Variants in ANGPT2 observed in about 807,000 individuals in gnomAD.
ANGPT2 encodes angiopoietin-2.
ANGPT2 carries 28 observed loss-of-function variants against 62.9 expected under a neutral mutation model. The observed-to-expected ratio is 0.44, with a 90% confidence interval of 0.33 to 0.61. ANGPT2 has a LOEUF of 0.61. ANGPT2 is among the 20% of genes least tolerant of loss of function. ANGPT2 has a pLI of 0.03. For synonymous variants in ANGPT2, 284 were observed against 207.8 expected (o/e 1.37, Z -3.15); for missense variants, 727 against 594.9 (o/e 1.22, Z -2.31).
chr8:6,522,633 G>A (rs1482755074), intron 3 of ANGPT2, among the ~76,000 whole-genome samples: 1 of 151,796 alleles, frequency 6.6e-6, no homozygotes, highest in African/African-American at 2.4e-5. Context: ...AATTAGCCAA[G>A]CGTGGGGGTA....
intron 1 of ANGPT2, among the ~76,000 whole-genome samples, chr8:6,550,730 G>C (rs765480658): frequency 6.6e-6 from 1 of 152,216 alleles, no homozygotes; most frequent in African/African-American, 2.4e-5. Context: ...AATTTTATCA[G>C]AGTTTTGCGG....
intron 8 of ANGPT2, 86 bp from the exon 9 acceptor site, chr8:6,503,347 G>C: frequency 6.9e-7 from 1 of 1,439,978 alleles, no homozygotes; most frequent in Non-Finnish European, 9.7e-7. Flanking sequence ...TAAGGCAGGA[G>C]GCACACTGCA....
chr8:6,562,875 G>A lies in ANGPT2; in HGVS notation c.60C>T (p.Asn20=), dbSNP rs1825770983. 1 of 1,611,046 alleles carries A rather than the reference G, an allele frequency of 6.2e-7. No homozygotes were observed. The highest frequency in any genetic ancestry group is 1.1e-5 in the South Asian group (1 of 91,030). ...SCDLVLAAAY[N]NFRKSMDSIG... is the part of the protein sequence containing the mutation. The stretch of plus-strand genomic sequence containing the variant: ...TGCTGTCCATGCTCTTCCGAAAGTT[G>A]TTATAGGCTGCGGCCAAGACAAGAT... The change falls in exon 1 of 9, where the codon AAC becomes AAT. Residue 20 remains asparagine, a synonymous_variant. Coordinates refer to ENST00000629816, the MANE Select transcript of ANGPT2 (RefSeq NM_001118887.2).
intron 3 of ANGPT2, among the ~76,000 whole-genome samples, chr8:6,523,123 G>A (rs747467309): frequency 1.4e-4 from 21 of 151,744 alleles, no homozygotes; most frequent in Non-Finnish European, 2.6e-4. Context: ...TCAGTCTCCC[G>A]AGTAGCTGGG....
Position 6,499,925 on chromosome 8 carries a change from C to T in ANGPT2, c.*3176G>A, listed in dbSNP as rs759545352. ...GAACTGTCTCACCACTTCCCTGCAG[C>T]TCCCGTAAGTCAGATGTTGTTTTAC... On this transcript the variant is annotated 3_prime_UTR_variant, in exon 9 of 9. Transcript: ENST00000629816. 5 of 1,613,328 alleles carry T rather than the reference C, an allele frequency of 3.1e-6. No individual in the cohort carries two copies. The highest frequency in any genetic ancestry group is 4.2e-6 in the Non-Finnish European group (5 of 1,179,594).
At chr8:6,504,120 C>A (rs1459373207) in intron 8 of ANGPT2, among the ~76,000 whole-genome samples, 1 of 151,940 alleles carries the variant, frequency 6.6e-6, no homozygotes, top group Non-Finnish European at 1.5e-5. Context: ...AGACCGAGAC[C>A]ATCCTGGCTA....
intron 7 of ANGPT2, among the ~76,000 whole-genome samples, chr8:6,509,605 C>T (rs960268332): frequency 2.6e-5 from 4 of 152,140 alleles, no homozygotes; most frequent in African/African-American, 9.7e-5. Flanking sequence ...TGTAATTAAA[C>T]TTTTAGACAT....
At chr8:6,521,098 G>T in intron 4 of ANGPT2, 80 bp downstream of exon 4, 1 of 1,114,180 alleles carries the variant, frequency 9.0e-7, no homozygotes, top group East Asian at 2.4e-5. Context: ...TTTTCTGAAA[G>T]GTGAGAATTT....
At chr8:6,550,609 G>A (rs1490033890) in intron 1 of ANGPT2, among the ~76,000 whole-genome samples, 7 of 152,248 alleles carry the variant, frequency 4.6e-5, no homozygotes, top group African/African-American at 1.7e-4. Flanking sequence ...AGGGTGGCGG[G>A]CGTTGGTGGT....
chr8:6,563,018 G>A lies in ANGPT2; in HGVS notation c.-84C>T. 4 of 1,427,524 alleles carry A rather than the reference G, an allele frequency of 2.8e-6. No individual in the cohort carries two copies. The highest frequency in any genetic ancestry group is 2.4e-5 in the East Asian group (1 of 42,340). 88.4% of individuals were successfully genotyped at this position (1,427,524 alleles called of 1,614,324 possible). A position where few individuals can be genotyped will look rare whatever the true frequency, so the allele number is the denominator to read the frequency against. ...GTCCCGAGCTGCTGCCGTCTAAAAC[G>A]CAGGGCTGCTACGCTGCCATGGCTG... On this transcript the variant is annotated 5_prime_UTR_variant, in exon 1 of 9. Coordinates refer to ENST00000629816, the MANE Select transcript of ANGPT2 (RefSeq NM_001118887.2).
intron 1 of ANGPT2, among the ~76,000 whole-genome samples, chr8:6,545,494 T>C (rs1184807055): frequency 3.3e-5 from 5 of 152,250 alleles, no homozygotes; most frequent in Non-Finnish European, 7.3e-5. Flanking sequence ...TAATGCCTAA[T>C]GAAATGAACT....
chr8:6,545,613 G>T (rs977681903), intron 1 of ANGPT2, among the ~76,000 whole-genome samples: 1 of 152,180 alleles, frequency 6.6e-6, no homozygotes, highest in Non-Finnish European at 1.5e-5. Flanking sequence ...TCCAAAACAC[G>T]ATTCTTTCCG....
rs1418917632 is a variant in ANGPT2, at chr8:6,559,841, T to G, written c.288+2806A>C. Among the ~76,000 whole-genome samples the G allele has an allele frequency of 1.3e-5, 2 of 151,734 alleles. 1 individual carries two copies. Among genetic ancestry groups the G allele is most frequent in the Non-Finnish European group, 2.9e-5 (2 of 68,028 alleles). ...TAGTGTTTGGTCCACTGCAGTGTGTTTTGTGTGCTAGCGATCATGAGTTTA... is the reference window on the plus strand; with the variant it reads ...TAGTGTTTGGTCCACTGCAGTGTGTGTTGTGTGCTAGCGATCATGAGTTTA... On this transcript the variant is annotated intron_variant, in intron 1 of 8. Coordinates refer to ENST00000629816, the MANE Select transcript of ANGPT2 (RefSeq NM_001118887.2).
At chr8:6,541,989 C>T (rs1166210032) in intron 1 of ANGPT2, among the ~76,000 whole-genome samples, 1 of 132,642 alleles carries the variant, frequency 7.5e-6, no homozygotes, top group East Asian at 2.2e-4. Context: ...GCCTGGGTGA[C>T]AGAATGAGAC....
intron 1 of ANGPT2, among the ~76,000 whole-genome samples, chr8:6,538,550 T>C (rs1418501041): frequency 6.6e-6 from 1 of 152,202 alleles, no homozygotes; most frequent in African/African-American, 2.4e-5. Flanking sequence ...GGGCGCGCAC[T>C]GTCCTTGGCT....
At chr8:6,519,717 G>C in intron 5 of ANGPT2, 147 bp downstream of exon 5, 1 of 948,320 alleles carries the variant, frequency 1.1e-6, no homozygotes, top group Non-Finnish European at 1.5e-6. Context: ...AAGCACTCTA[G>C]GCGAGGTAGC....
chr8:6,549,607 G>A (rs1823253241), intron 1 of ANGPT2, among the ~76,000 whole-genome samples: 1 of 151,866 alleles, frequency 6.6e-6, no homozygotes, highest in Non-Finnish European at 1.5e-5. Context: ...TCTTGAGTTG[G>A]GCGGTCGTTA....
intron 7 of ANGPT2, among the ~76,000 whole-genome samples, chr8:6,509,554 T>A (rs1192329045): frequency 6.6e-6 from 1 of 152,170 alleles, no homozygotes; most frequent in Non-Finnish European, 1.5e-5. Context: ...TGAAAATAAA[T>A]CCTTGTGGCT....
intron 5 of ANGPT2, among the ~76,000 whole-genome samples, chr8:6,517,102 T>C (rs1816405720): frequency 6.6e-6 from 1 of 152,236 alleles, no homozygotes; most frequent in African/African-American, 2.4e-5. Context: ...TAGAGTTATC[T>C]ACCCAGCCAG....
Sources: allele counts gnomAD v4.1 joint callset (sites outside exome capture counted in the v4.1 genomes callset), GRCh38; gene constraint gnomAD v4.1.1; transcripts MANE v1.5; gene names NCBI Gene and HGNC (gene_info 2026-07-23, HGNC 2026-07-21).